DMD: variants seen among roughly 807,000 people sequenced by gnomAD.
DMD encodes the protein mutant dystrophin.
In DMD, 63 loss-of-function variants were observed where a neutral mutation model predicts 330.1. The ratio of observed to expected loss-of-function variants is 0.19; its 90% CI spans 0.16 to 0.24. The LOEUF (loss-of-function observed/expected upper bound fraction) is 0.24, where lower values mean the gene tolerates loss of function less well. Among genes scored for constraint, DMD ranks in the 10% least tolerant of loss-of-function variants. DMD has a pLI of 1.00. For synonymous variants in DMD, 1,223 were observed against 959.8 expected, an observed-to-expected ratio of 1.27 and a Z score of -5.07; for missense variants, 3,344 against 2,684.1, an observed-to-expected ratio of 1.25 and a Z score of -5.43.
At chrX:32,636,477 A>G (rs945727230) in intron 11 of DMD, among the ~76,000 whole-genome samples, 1 of 112,112 alleles carries the variant, frequency 8.9e-6, no homozygotes, top group African/African-American at 3.2e-5. Context: ...GAGAAATAGT[A>G]TTGTTTTTAT....
chrX:32,866,305 T>C (rs949705378), intron 2 of DMD, among the ~76,000 whole-genome samples: 3 of 112,217 alleles, frequency 2.7e-5, no homozygotes, highest in African/African-American at 9.7e-5. Context: ...CTGGCTAACA[T>C]ATGTATTTGA....
At chrX:33,212,753 G>A (rs924771191), upstream of DMD, among the ~76,000 whole-genome samples, 4 of 111,894 alleles carry the variant, frequency 3.6e-5, no homozygotes, top group African/African-American at 9.7e-5. Flanking sequence ...TAAAACATAA[G>A]GCCTAATTTT....
At chrX:33,112,000 C>T (rs900030088) in intron 1 of DMD, among the ~76,000 whole-genome samples, 1 of 110,573 alleles carries the variant, frequency 9.0e-6, no homozygotes, top group African/African-American at 3.3e-5. Flanking sequence ...AATTGTTTGC[C>T]AAATGGATAC....
At chrX:31,466,310 G>C (rs2066855022) in intron 59 of DMD, among the ~76,000 whole-genome samples, 1 of 111,792 alleles carries the variant, frequency 8.9e-6, no homozygotes, top group African/African-American at 3.2e-5. Context: ...TATGGTTTTA[G>C]GTTTTATGTT....
intron 1 of DMD, among the ~76,000 whole-genome samples, chrX:33,252,082 C>G (rs1020340742): frequency 1.8e-5 from 2 of 111,714 alleles, no homozygotes; most frequent in African/African-American, 6.5e-5. Context: ...TTTCAGCTTT[C>G]TTTTTACAAA....
At chrX:31,267,401 GC>G (rs1159034277) in intron 62 of DMD, among the ~76,000 whole-genome samples, 1 of 112,565 alleles carries the variant, frequency 8.9e-6, no homozygotes, top group African/African-American at 3.2e-5. Context: ...TTGCCGTTAG[GC>G]TCATCCTGGG....
intron 50 of DMD, among the ~76,000 whole-genome samples, chrX:31,804,520 G>A (rs2092219220): frequency 8.9e-6 from 1 of 112,015 alleles, no homozygotes; most frequent in Admixed American, 9.5e-5. Flanking sequence ...ATATGCTCAT[G>A]TCACTAGTCT....
chrX:31,184,096 A>G (rs1033167277), intron 67 of DMD, among the ~76,000 whole-genome samples: 3 of 110,623 alleles, frequency 2.7e-5, no homozygotes, highest in Admixed American at 9.6e-5. Flanking sequence ...TTTAGTAGAG[A>G]TGGGGTTTCA....
chrX:33,210,787 T>G (rs1200609508), intron 1 of DMD, among the ~76,000 whole-genome samples: 1 of 111,988 alleles, frequency 8.9e-6, no homozygotes, highest in African/African-American at 3.2e-5. Context: ...CATTTTATTC[T>G]TTATTTTATC....
At chrX:32,902,142 G>T (rs1277114426) in intron 2 of DMD, among the ~76,000 whole-genome samples, 1 of 80,913 alleles carries the variant, frequency 1.2e-5, no homozygotes, top group Non-Finnish European at 2.3e-5. Context: ...TCATAAGCAA[G>T]CATCACACAC....
chrX:31,144,210 T>C (rs1009014436), intron 76 of DMD, among the ~76,000 whole-genome samples: 3 of 111,950 alleles, frequency 2.7e-5, no homozygotes, highest in African/African-American at 9.7e-5. Context: ...CTACCCTGTC[T>C]CTTTCCTCAG....
chrX:31,772,421 A>G (rs1454160088), intron 51 of DMD, among the ~76,000 whole-genome samples: 1 of 112,021 alleles, frequency 8.9e-6, no homozygotes, highest in Non-Finnish European at 1.9e-5. Flanking sequence ...TTGGTAAATA[A>G]AAGTCCTGGG....
intron 2 of DMD, among the ~76,000 whole-genome samples, chrX:32,852,693 G>A (rs952582850): frequency 9.1e-5 from 10 of 109,329 alleles, no homozygotes; most frequent in Non-Finnish European, 1.9e-4. Context: ...GCCTCGCAGC[G>A]TTTACTCCTA....
intron 74 of DMD, among the ~76,000 whole-genome samples, chrX:31,163,590 A>G (rs1164099311): frequency 1.8e-5 from 2 of 112,017 alleles, no homozygotes; most frequent in African/African-American, 3.2e-5. Flanking sequence ...ATTTCCAGTG[A>G]TGTCTACTGG....
intron 47 of DMD, among the ~76,000 whole-genome samples, chrX:31,925,197 T>C (rs1603610955): frequency 8.9e-6 from 1 of 111,817 alleles, no homozygotes; most frequent in Non-Finnish European, 1.9e-5. Context: ...TAAATCCCCA[T>C]TTTAATATTA....
At chrX:32,459,751 C>T (rs7886431) in intron 25 of DMD, among the ~76,000 whole-genome samples, 5,261 of 110,894 alleles carry the variant, frequency 0.047, 337 homozygotes, top group African/African-American at 0.16. Flanking sequence ...TCTCCTTCAG[C>T]AAGTACTGCC....
At chrX:33,283,208 A>G (rs981747269) in intron 1 of DMD, among the ~76,000 whole-genome samples, 2 of 112,444 alleles carry the variant, frequency 1.8e-5, no homozygotes, top group African/African-American at 6.5e-5. Flanking sequence ...TACTGAAATC[A>G]TAAGTACATG....
At chrX:31,784,640 T>TGGAAAAGCTGTGAGCCCACAGTAAATGG (rs2091199391) in intron 50 of DMD, among the ~76,000 whole-genome samples, 1 of 111,520 alleles carries the variant, frequency 9.0e-6, no homozygotes, top group Non-Finnish European at 1.9e-5. Flanking sequence ...AAATTTTGAA[T>TGGAAAAGCTGTGAGCCCACAGTAAATGG]TTTGATCTTT....
chrX:31,576,363 T>G (rs1275263619), intron 55 of DMD, among the ~76,000 whole-genome samples: 1 of 111,925 alleles, frequency 8.9e-6, no homozygotes, highest in Non-Finnish European at 1.9e-5. Flanking sequence ...AAGAATGATA[T>G]TCTGATCACT....
Sources: allele counts gnomAD v4.1 joint callset (sites outside exome capture counted in the v4.1 genomes callset), GRCh38; gene constraint gnomAD v4.1.1; transcripts MANE v1.5; gene names NCBI Gene and HGNC (gene_info 2026-07-23, HGNC 2026-07-21).